Variants in MID1 observed in about 807,000 individuals in gnomAD.
The protein encoded by MID1 is E3 ubiquitin-protein ligase Midline-1.
Under a neutral mutation model 40.4 loss-of-function variants are expected in MID1, and 7 were observed. The ratio of observed to expected loss-of-function variants is 0.17; its 90% CI spans 0.10 to 0.33. The LOEUF is 0.33. Ranked by LOEUF, MID1 falls within the 10% of genes least tolerant of loss-of-function variation. The pLI, the probability that MID1 is intolerant of heterozygous loss-of-function variation, is 1.00. For synonymous variants in MID1, 229 were observed against 221.2 expected (o/e 1.04, Z -0.31); for missense variants, 367 against 558.5 (o/e 0.66, Z 3.46).
At chrX:10,618,094 G>A (rs1443083981) in intron 1 of MID1, among the ~76,000 whole-genome samples, 1 of 111,517 alleles carries the variant, frequency 9.0e-6, no homozygotes, top group African/African-American at 3.3e-5. Context: ...CAGAATTTCT[G>A]GCTATCAGTG....
chrX:10,525,010 T>G (rs1283834040), intron 2 of MID1, among the ~76,000 whole-genome samples: 1 of 111,691 alleles, frequency 9.0e-6, no homozygotes, highest in African/African-American at 3.3e-5. Flanking sequence ...AACAGGAAAT[T>G]TCATGGAAAA....
rs1328919111 is a variant in MID1, at chrX:10,831,657, C to T, written c.-187+1897G>A. Among the ~76,000 whole-genome samples, 3 of 111,772 alleles carry T rather than the reference C, an allele frequency of 2.7e-5. No individual in the cohort carries two copies. In the East Asian group the frequency reaches 8.4e-4, roughly 31 times the overall value. ...AACAATATTATTACCCCCAAACAGG[C>T]TGCTGAGGAGCCGGGGATGAGTAGA... On this transcript the variant is annotated intron_variant, in intron 1 of 10. Coordinates refer to the MID1 transcript ENST00000380785.
intron 7 of MID1, among the ~76,000 whole-genome samples, chrX:10,465,214 T>TATATATATACAC (rs1477864693): frequency 5.5e-4 from 22 of 39,900 alleles, no homozygotes; most frequent in Non-Finnish European, 8.7e-4. Context: ...TATATATATA[T>TATATATATACAC]ACACACACAC....
At chrX:10,572,149 CTCTT>C (rs1449600442) in intron 1 of MID1, among the ~76,000 whole-genome samples, 2 of 101,127 alleles carry the variant, frequency 2.0e-5, no homozygotes, top group African/African-American at 4.1e-5. Flanking sequence ...CTTTCTCTCT[CTCTT>C]TCTCTCTCTC....
At chrX:10,590,016 C>T (rs1204514781) in intron 1 of MID1, 3 of 110,659 alleles carry the variant, frequency 2.7e-5, no homozygotes, top group African/African-American at 9.9e-5. Context: ...GGGGGGTCCA[C>T]GTAAGAGGGT....
intron 2 of MID1, among the ~76,000 whole-genome samples, chrX:10,537,437 G>A (rs1236676400): frequency 8.9e-6 from 1 of 111,846 alleles, no homozygotes; most frequent in Non-Finnish European, 1.9e-5. Flanking sequence ...TGTGACCTTC[G>A]TCTATCACTG....
chrX:10,516,365 T>G (rs1294557759), intron 3 of MID1, among the ~76,000 whole-genome samples: 1 of 108,914 alleles, frequency 9.2e-6, no homozygotes, highest in Non-Finnish European at 1.9e-5. Flanking sequence ...CGGCTAATTT[T>G]TTGTATTTTT....
intron 1 of MID1, among the ~76,000 whole-genome samples, chrX:10,830,043 A>G (rs1397852528): frequency 8.9e-6 from 1 of 112,027 alleles, no homozygotes; most frequent in Admixed American, 9.5e-5. Context: ...GCATCATCCA[A>G]CTCTCAGTTA....
intron 2 of MID1, among the ~76,000 whole-genome samples, chrX:10,553,844 C>T (rs1934020628): frequency 8.9e-6 from 1 of 111,998 alleles, no homozygotes; most frequent in Non-Finnish European, 1.9e-5. Context: ...TTTGCTCAGT[C>T]CAGGGAGCCT....
chrX:10,469,090 T>A (rs1042052993), intron 7 of MID1, among the ~76,000 whole-genome samples: 6 of 111,182 alleles, frequency 5.4e-5, no homozygotes, highest in Non-Finnish European at 1.1e-4. Context: ...TTTATTTTTT[T>A]GAGACAGCAT....
At chrX:10,533,372 G>GAAAGAA (rs1166734575) in intron 2 of MID1, among the ~76,000 whole-genome samples, 1 of 49,650 alleles carries the variant, frequency 2.0e-5, no homozygotes, top group African/African-American at 8.3e-5. Context: ...AAGAAAGAAA[G>GAAAGAA]AAAGAAAAAG....
intron 3 of MID1, among the ~76,000 whole-genome samples, chrX:10,496,562 C>T (rs2147323203): frequency 8.9e-6 from 1 of 112,704 alleles, no homozygotes; most frequent in East Asian, 2.8e-4. Flanking sequence ...ATTATTTTAA[C>T]ACAGCCACAG....
intron 1 of MID1, among the ~76,000 whole-genome samples, chrX:10,825,170 C>A (rs920379282): frequency 8.1e-5 from 9 of 111,621 alleles, no homozygotes; most frequent in Non-Finnish European, 1.1e-4. Flanking sequence ...GTGCCAAGAA[C>A]AAAGGGAAAG....
At chrX:10,462,502 TG>T (rs1929106644) in intron 7 of MID1, among the ~76,000 whole-genome samples, 1 of 112,155 alleles carries the variant, frequency 8.9e-6, no homozygotes, top group Non-Finnish European at 1.9e-5. Flanking sequence ...ACAACCATCC[TG>T]ATTGAAACTT....
intron 1 of MID1, among the ~76,000 whole-genome samples, chrX:10,830,813 T>G (rs1446948113): frequency 6.3e-5 from 7 of 111,967 alleles, no homozygotes; most frequent in Non-Finnish European, 5.6e-5. Context: ...CACACACACA[T>G]ACACACATTA....
chrX:10,505,683 A>G lies in MID1; in HGVS notation c.757-9992T>C, dbSNP rs187304604. The G allele has an allele frequency of 1.1e-5, 8 of 752,604 alleles. No individual in the cohort carries two copies. The Admixed American group carries it at 7.0e-4, about 66-fold the overall frequency. The allele number at this position is 752,604 out of a possible 1,213,427, so 62.0% of individuals were successfully genotyped here. The stretch of plus-strand genomic sequence containing the variant: ...ACTTTTAGCAGATGACCATTAATGG[A>G]GTGCCAGGAAAGATGGAGGTGACGT... On this transcript the variant is annotated intron_variant, in intron 3 of 9. Coordinates refer to ENST00000317552, the MANE Select transcript of MID1 (RefSeq NM_000381.4).
rs2043462547 is a variant in MID1 at position 10,733,015 on chromosome X, C to T, written c.-187+100539G>A. On this transcript the variant is annotated intron_variant, in intron 1 of 10. Transcript: ENST00000380785. ...AGTAGCTGGGACTACAGGCGCCTGC[C>T]ACTGCGCCCGGCTATTTTTTGTATT... Among the ~76,000 whole-genome samples, 3 of 110,352 alleles carry T rather than the reference C, an allele frequency of 2.7e-5. No homozygotes were observed. The Admixed American group carries it at 2.9e-4, about 11-fold the overall frequency.
intron 1 of MID1, among the ~76,000 whole-genome samples, chrX:10,811,840 A>G (rs914806925): frequency 2.7e-5 from 3 of 111,738 alleles, no homozygotes; most frequent in Non-Finnish European, 3.8e-5. Context: ...AATTTAATAC[A>G]TTTTTTCATA....
At chrX:10,582,887 G>A (rs760663414) in intron 1 of MID1, 1 of 111,648 alleles carries the variant, frequency 9.0e-6, no homozygotes, top group South Asian at 3.8e-4. Context: ...CCCAATGCAA[G>A]GATGACAAAT....
Sources: gnomAD v4.1 joint callset for allele counts (sites outside exome capture counted in the v4.1 genomes callset) on GRCh38, gnomAD v4.1.1 for gene constraint, MANE v1.5 for transcripts, NCBI Gene and HGNC (gene_info 2026-07-23, HGNC 2026-07-21) for gene names.